RAET1E: variants seen among roughly 807,000 people sequenced by gnomAD.
RAET1E encodes retinoic acid early transcript 1E.
In RAET1E, 27 loss-of-function variants were observed where a neutral mutation model predicts 21.1. The observed-to-expected ratio is 1.28, with a 90% confidence interval of 0.94 to 1.76. The LOEUF (loss-of-function observed/expected upper bound fraction) is 1.76, where lower values mean the gene tolerates loss of function less well. Among genes scored for constraint, RAET1E ranks in the 40% most tolerant of loss-of-function variants. The pLI, the probability that RAET1E is intolerant of heterozygous loss-of-function variation, is 0.00. For synonymous variants in RAET1E, 113 were observed against 115.0 expected (o/e 0.98, Z 0.11); for missense variants, 310 against 311.3 (o/e 1.00, Z 0.03).
intron 2 of RAET1E, among the ~76,000 whole-genome samples, chr6:149,892,986 T>C (rs1320652505): frequency 6.6e-6 from 1 of 152,228 alleles, no homozygotes; most frequent in African/African-American, 2.4e-5. Flanking sequence ...TGCTTGTGTG[T>C]GTCAGGTTTG....
At chr6:149,896,711 A>G (rs890089911) in intron 1 of RAET1E, among the ~76,000 whole-genome samples, 1 of 151,962 alleles carries the variant, frequency 6.6e-6, no homozygotes, top group African/African-American at 2.4e-5. Flanking sequence ...TGATATGACC[A>G]CTGAGTAGCT....
At chr6:149,891,325 G>A in intron 2 of RAET1E, among the ~76,000 whole-genome samples, 1 of 151,686 alleles carries the variant, frequency 6.6e-6, no homozygotes, top group East Asian at 1.9e-4. Context: ...GCCCATTCCT[G>A]TATTTTCTCC....
At position 149,891,723 on chromosome 6, in the gene RAET1E, CA is replaced by C. The variant is rs199607586; in HGVS notation, c.-133-690del. ...GCAACATAGTAAGACTCCATCTCTA[CA>C]AAAAAAAATTTTTTTTTATTATACT... is the stretch of plus-strand genomic sequence containing the variant. On this transcript the variant is annotated intron_variant, in intron 2 of 5. Transcript: ENST00000357183. Among the ~76,000 whole-genome samples the C allele has an allele frequency of 4.6e-5, 7 of 152,010 alleles. No homozygotes were observed. In the South Asian group the frequency reaches 6.2e-4, roughly 14 times the overall value.
chr6:149,897,339 T>G (rs1778155509), intron 1 of RAET1E, among the ~76,000 whole-genome samples: 1 of 152,066 alleles, frequency 6.6e-6, no homozygotes, highest in African/African-American at 2.4e-5. Context: ...CCGGCTGAAA[T>G]GGAATTTTAA....
At position 149,890,031 on chromosome 6, in the gene RAET1E, T is replaced by C; in HGVS notation, c.200A>G (p.Asp67Gly). The change falls in exon 4 of 6, where the codon GAC (aspartate) becomes GGC (glycine). Residue 67 changes from aspartate (D) to glycine (G), a missense_variant. By Grantham distance (94) the Asp-to-Gly change is moderately conservative. Coordinates refer to ENST00000357183, the MANE Select transcript of RAET1E (RefSeq NM_001394057.1). ...NKNLFLQYNS[D>G]NNMVKPLGLL... ...GCCCAGAGGTTTGACCATGTTGTTG[T>C]CACTGTTGTACTGAAGGAAAAGATT... 1 of 1,614,176 alleles carries C rather than the reference T, an allele frequency of 6.2e-7. No homozygotes were observed. Among genetic ancestry groups the C allele is most frequent in the Non-Finnish European group, 8.5e-7 (1 of 1,180,040 alleles).
intron 1 of RAET1E, among the ~76,000 whole-genome samples, chr6:149,896,626 CAG>C (rs1194855042): frequency 6.7e-6 from 1 of 148,276 alleles, no homozygotes; most frequent in Non-Finnish European, 1.5e-5. Context: ...GGGCCAAGAA[CAG>C]AGTGTATGTG....
intron 3 of RAET1E, 114 bp from the exon 4 acceptor site, chr6:149,890,259 C>T: frequency 8.8e-7 from 1 of 1,138,978 alleles, no homozygotes; most frequent in Non-Finnish European, 1.3e-6. Context: ...GGCGGGGCAG[C>T]TCCATCCCAG....
chr6:149,893,437 C>T (rs1015551195), intron 2 of RAET1E, among the ~76,000 whole-genome samples: 2 of 152,024 alleles, frequency 1.3e-5, no homozygotes, highest in Admixed American at 1.3e-4. Context: ...AGTTGTATTC[C>T]TAGGTATTTT....
chr6:149,888,038 C>A lies in RAET1E; in HGVS notation c.*460G>T. ...CCAACATGGAGAAACCCCATCTCTA[C>A]TAAAAATGTAGGATGTAGTTCGGCA... On this transcript the variant is annotated 3_prime_UTR_variant, in exon 6 of 6. Transcript: ENST00000357183. The A allele has an allele frequency of 2.7e-6, 1 of 372,912 alleles. No individual in the cohort carries two copies. The highest frequency in any genetic ancestry group is 5.3e-6 in the Non-Finnish European group (1 of 188,708). 23.1% of individuals were successfully genotyped at this position (372,912 alleles called of 1,614,324 possible). A position where few individuals can be genotyped will look rare whatever the true frequency, so the allele number is the denominator to read the frequency against.
At position 149,883,916 on chromosome 6, in the gene RAET1E, C is replaced by A. The variant is rs2115474653; in HGVS notation, c.*4582G>T. On this transcript the variant is annotated 3_prime_UTR_variant, in exon 6 of 6. Coordinates refer to ENST00000357183, the MANE Select transcript of RAET1E (RefSeq NM_001394057.1). ...GAAAACTGCCTCACAAATGATTATACTACCTCTCAAATAATTTCCAACAAC... is the reference window on the plus strand; with the variant it reads ...GAAAACTGCCTCACAAATGATTATAATACCTCTCAAATAATTTCCAACAAC... 1 of 153,296 alleles carries A rather than the reference C, an allele frequency of 6.5e-6. No individual in the cohort carries two copies. Among genetic ancestry groups the A allele is most frequent in the South Asian group, 2.1e-4 (1 of 4,878 alleles). 9.5% of individuals were successfully genotyped at this position (153,296 alleles called of 1,614,324 possible).
At chr6:149,889,320 G>A (rs367967325) in intron 5 of RAET1E, 28 bp downstream of exon 5, 16 of 1,611,854 alleles carry the variant, frequency 9.9e-6, no homozygotes, top group Middle Eastern at 1.6e-4. Flanking sequence ...AAAGGGAGCT[G>A]CCACATTCTC....
chr6:149,888,221 C>G lies in RAET1E; in HGVS notation c.*277G>C. ...TGAGCTAAATCACGGTAAACGCAGA[C>G]AGCAAACAAACTTTCCGTCAAAGAG... On this transcript the variant is annotated 3_prime_UTR_variant, in exon 6 of 6. Coordinates refer to ENST00000357183, the MANE Select transcript of RAET1E (RefSeq NM_001394057.1). The G allele has an allele frequency of 1.5e-6, 1 of 668,976 alleles. No individual in the cohort carries two copies. The highest frequency in any genetic ancestry group is 1.4e-5 in the South Asian group (1 of 70,550). 41.4% of individuals were successfully genotyped at this position (668,976 alleles called of 1,614,324 possible).
rs530626615 is a variant in RAET1E, at chr6:149,895,831, G to C, written c.-134+15C>G. 6.6e-6 allele frequency: 1 copy of C among 152,330 alleles called. No individual in the cohort carries two copies. The allele number at this position is 152,330 out of a possible 1,614,324, so 9.4% of individuals were successfully genotyped here. A position where few individuals can be genotyped will look rare whatever the true frequency, so the allele number is the denominator to read the frequency against. ...ATAGACAAGGTGGCTGAAACACCAA[G>C]CATTTATTTCTTACCTTCCTGGAAG... On this transcript the variant is annotated intron_variant, in intron 2 of 5. Coordinates refer to ENST00000357183, the MANE Select transcript of RAET1E (RefSeq NM_001394057.1).
At position 149,889,504 on chromosome 6, in the gene RAET1E, T is replaced by A. The variant is rs1258316538; in HGVS notation, c.466A>T (p.Thr156Ser). 1 of 1,614,220 alleles carries A rather than the reference T, an allele frequency of 6.2e-7. No homozygotes were observed. Residue 156 changes from threonine (T) to serine (S), a missense_variant, in exon 5 of 6, where the codon ACC becomes TCC. Coordinates refer to ENST00000357183, the MANE Select transcript of RAET1E (RefSeq NM_001394057.1). Reference protein sequence around the residue: ...KSLLFDAMNMTWTVINHEASK... With the variant: ...KSLLFDAMNMSWTVINHEASK... ...GCTTCATGATTAATTACTGTCCAGG[T>A]CATGTTCATTGCGTCAAAGAGGAGG...
rs772370774 is a variant in RAET1E at position 149,889,539 on chromosome 6, C to A, written c.431G>T (p.Gly144Val). ...TGCGTCAAAGAGGAGGGATTTCTCT[C>A]CATTGGTGGCGAACTGCCAGGATGC... The part of the protein sequence containing the change: ...TGASWQFATN[G>V]EKSLLFDAMN... Residue 144 changes from glycine (G) to valine (V), a missense_variant, in exon 5 of 6, where the codon GGA (glycine) becomes GTA (valine). Coordinates refer to ENST00000357183, the MANE Select transcript of RAET1E (RefSeq NM_001394057.1). 1 of 1,614,046 alleles carries A rather than the reference C, an allele frequency of 6.2e-7. No individual in the cohort carries two copies. The highest frequency in any genetic ancestry group is 1.3e-5 in the African/African-American group (1 of 74,926).
intron 3 of RAET1E, 152 bp from the exon 4 acceptor site, chr6:149,890,297 C>G (rs563624828): frequency 1.3e-6 from 1 of 743,096 alleles, no homozygotes; most frequent in Non-Finnish European, 2.2e-6. Context: ...GATCCCTGTT[C>G]CCATCTCTCC....
In RAET1E at chr6:149,890,791, C is replaced by T. The variant is rs766782820; in HGVS notation, c.85+26G>A. ...CTTTCTCCCTCCTCCTTGTCCTCAGCCAGTTCTTGTGCTCAGGACACTCAC... is the reference window on the plus strand; with the variant it reads ...CTTTCTCCCTCCTCCTTGTCCTCAGTCAGTTCTTGTGCTCAGGACACTCAC... On this transcript the variant is annotated intron_variant, in intron 3 of 5. Transcript: ENST00000357183. 9.7e-6 allele frequency: 15 copies of T among 1,550,748 alleles called. No individual in the cohort carries two copies. In the African/African-American group the frequency reaches 2.0e-4, roughly 21 times the overall value.
In RAET1E at chr6:149,884,524, G is replaced by T; in HGVS notation, c.*3974C>A. The T allele has an allele frequency of 1.3e-6, 2 of 1,535,872 alleles. No individual in the cohort carries two copies. The highest frequency in any genetic ancestry group is 1.7e-6 in the Non-Finnish European group (2 of 1,146,680). ...TTCTGCCTTTAGGAAGGAGACAAAA[G>T]AGTGCAGAACCCTGGGTCAGATCAG... On this transcript the variant is annotated 3_prime_UTR_variant, in exon 6 of 6. Coordinates refer to ENST00000357183, the MANE Select transcript of RAET1E (RefSeq NM_001394057.1).
chr6:149,886,520 G>A lies in RAET1E; in HGVS notation c.*1978C>T, dbSNP rs921051742. Reference sequence around the variant, plus strand: ...AGCGATTCTCCTGTCTCAGCCTCCCGAGTAGCTGGGATTACAGGCCCATGC... The same window carrying A: ...AGCGATTCTCCTGTCTCAGCCTCCCAAGTAGCTGGGATTACAGGCCCATGC... On this transcript the variant is annotated 3_prime_UTR_variant, in exon 6 of 6. Coordinates refer to ENST00000357183, the MANE Select transcript of RAET1E (RefSeq NM_001394057.1). 4.6e-5 allele frequency among the ~76,000 whole-genome samples: 7 copies of A among 152,142 alleles called. No homozygotes were observed. Among genetic ancestry groups the A allele is most frequent in the African/African-American group, 1.7e-4 (7 of 41,418 alleles).
Sources: allele counts gnomAD v4.1 joint callset (sites outside exome capture counted in the v4.1 genomes callset), GRCh38; gene constraint gnomAD v4.1.1; transcripts MANE v1.5; gene names NCBI Gene and HGNC (gene_info 2026-07-23, HGNC 2026-07-21).